LRP6: variants seen among roughly 807,000 people sequenced by gnomAD.
LRP6 encodes the protein low-density lipoprotein receptor-related protein 6.
Under a neutral mutation model 184.1 loss-of-function variants are expected in LRP6, and 43 were observed. The observed-to-expected ratio is 0.23, with a 90% CI of 0.18 to 0.30. The LOEUF (loss-of-function observed/expected upper bound fraction) is 0.30. LRP6 is among the 10% of genes least tolerant of loss of function. The pLI is 1.00. For synonymous variants in LRP6, 719 were observed against 684.9 expected, an observed-to-expected ratio of 1.05 and a Z score of -0.78; for missense variants, 1,571 against 2,005.3, an observed-to-expected ratio of 0.78 and a Z score of 4.14.
At chr12:12,166,630 G>A (rs746948001) in intron 7 of LRP6, among the ~76,000 whole-genome samples, 14 of 152,082 alleles carry the variant, frequency 9.2e-5, no homozygotes, top group Non-Finnish European at 1.9e-4. Flanking sequence ...ATTTGCTGGT[G>A]TAAAAGCATA....
At chr12:12,164,220 T>A (rs1242539351) in intron 9 of LRP6, 53 bp downstream of exon 9, 6 of 1,535,168 alleles carry the variant, frequency 3.9e-6, no homozygotes, top group Non-Finnish European at 9.0e-7. Context: ...TCAGAAATTC[T>A]AGAAGTTCTC....
intron 7 of LRP6, 27 bp from the exon 8 acceptor site, chr12:12,165,322 G>A (rs763888704): frequency 2.0e-6 from 3 of 1,478,560 alleles, no homozygotes; most frequent in African/African-American, 2.8e-5. Flanking sequence ...AAAAGAGAAG[G>A]GGATGAATTA....
intron 15 of LRP6, among the ~76,000 whole-genome samples, chr12:12,144,835 T>C (rs1425010804): frequency 6.6e-6 from 1 of 150,978 alleles, no homozygotes; most frequent in African/African-American, 2.5e-5. Context: ...ACACCACATG[T>C]TCTCACTCAC....
intron 12 of LRP6, among the ~76,000 whole-genome samples, chr12:12,156,562 T>A (rs1203733539): frequency 6.6e-6 from 1 of 152,236 alleles, no homozygotes; most frequent in Non-Finnish European, 1.5e-5. Flanking sequence ...GATGTCTATA[T>A]ATGTCACTAT....
At chr12:12,176,843 CT>C (rs71435897) in intron 7 of LRP6, among the ~76,000 whole-genome samples, 78,828 of 103,092 alleles carry the variant, frequency 0.76, 30,004 homozygotes, top group East Asian at 0.92. Flanking sequence ...TGAGCCCAAA[CT>C]TTTTTTTTTT....
At chr12:12,152,010 G>C (rs1565567660) in intron 12 of LRP6, among the ~76,000 whole-genome samples, 1 of 152,112 alleles carries the variant, frequency 6.6e-6, no homozygotes, top group Non-Finnish European at 1.5e-5. Context: ...TTTATGATAT[G>C]GTTTGGCTGT....
At chr12:12,179,292 G>C (rs1279577540) in intron 7 of LRP6, among the ~76,000 whole-genome samples, 1 of 151,654 alleles carries the variant, frequency 6.6e-6, no homozygotes, top group Admixed American at 6.6e-5. Flanking sequence ...TTTTAAAATT[G>C]TTTGCATGTA....
chr12:12,166,585 G>A (rs751153734), intron 7 of LRP6, among the ~76,000 whole-genome samples: 1 of 151,954 alleles, frequency 6.6e-6, no homozygotes, highest in Non-Finnish European at 1.5e-5. Context: ...TAATTTTGCT[G>A]ATCTTTACAT....
At chr12:12,125,629 TG>T (rs1949662545) in intron 20 of LRP6, among the ~76,000 whole-genome samples, 197 bp from the exon 21 acceptor site, 1 of 152,120 alleles carries the variant, frequency 6.6e-6, no homozygotes, top group Non-Finnish European at 1.5e-5. Flanking sequence ...ATGCTTCCAT[TG>T]AAAGAGCTGG....
At chr12:12,144,915 G>A in intron 15 of LRP6, among the ~76,000 whole-genome samples, 1 of 151,434 alleles carries the variant, frequency 6.6e-6, no homozygotes, top group African/African-American at 2.4e-5. Context: ...GCCTGTCGGG[G>A]GGTGGGGGGC....
At chr12:12,255,913 AC>A (rs1258088919) in intron 1 of LRP6, among the ~76,000 whole-genome samples, 1 of 152,038 alleles carries the variant, frequency 6.6e-6, no homozygotes, top group Non-Finnish European at 1.5e-5. Context: ...ATGACAAACT[AC>A]CTATTTGCAA....
chr12:12,131,386 G>C (rs570095552), intron 18 of LRP6, among the ~76,000 whole-genome samples: 1 of 152,250 alleles, frequency 6.6e-6, no homozygotes, highest in South Asian at 2.1e-4. Flanking sequence ...GGGATTACAG[G>C]CGTGAGCCAC....
At chr12:12,257,934 A>ACT (rs1257863426) in intron 1 of LRP6, among the ~76,000 whole-genome samples, 1 of 150,208 alleles carries the variant, frequency 6.7e-6, no homozygotes, top group Non-Finnish European at 1.5e-5. Context: ...ATCACACCAC[A>ACT]CTCCAGCCTA....
intron 4 of LRP6, among the ~76,000 whole-genome samples, chr12:12,184,645 G>C (rs973146824): frequency 2.0e-5 from 3 of 152,156 alleles, no homozygotes; most frequent in Non-Finnish European, 2.9e-5. Context: ...CAGTATAACT[G>C]GAGGTTAAGG....
chr12:12,179,363 GATATAGAT>G (rs1395357939), intron 7 of LRP6, among the ~76,000 whole-genome samples: 2 of 11,550 alleles, frequency 1.7e-4, no homozygotes, highest in African/African-American at 2.6e-4. Context: ...AGCAATAAAA[GATATAGAT>G]ATAGATATAG....
intron 12 of LRP6, among the ~76,000 whole-genome samples, chr12:12,155,925 C>G (rs1422927834): frequency 1.3e-5 from 2 of 151,832 alleles, no homozygotes; most frequent in Admixed American, 1.3e-4. Context: ...ACAATAATTT[C>G]TTGAGTATCT....
At chr12:12,259,861 T>A (rs10743980) in intron 1 of LRP6, among the ~76,000 whole-genome samples, 10 of 152,038 alleles carry the variant, frequency 6.6e-5, no homozygotes, top group Admixed American at 6.5e-4. Context: ...AGTGAAAACA[T>A]GCAATGCAGA....
intron 3 of LRP6, among the ~76,000 whole-genome samples, chr12:12,194,242 CAA>C (rs772900166): frequency 6.6e-6 from 1 of 151,882 alleles, no homozygotes; most frequent in Non-Finnish European, 1.5e-5. Context: ...ATATCATGCT[CAA>C]GACTATTTTT....
chr12:12,124,392 A>G (rs1343179633), intron 22 of LRP6, among the ~76,000 whole-genome samples, 173 bp downstream of exon 22: 3 of 152,132 alleles, frequency 2.0e-5, no homozygotes, highest in African/African-American at 7.2e-5. Flanking sequence ...AAAAAAAAGT[A>G]TAACGTCCTG....
Sources: gnomAD v4.1 joint callset for allele counts (sites outside exome capture counted in the v4.1 genomes callset) on GRCh38, gnomAD v4.1.1 for gene constraint, MANE v1.5 for transcripts, NCBI Gene and HGNC (gene_info 2026-07-23, HGNC 2026-07-21) for gene names.